The following MEGF10 variants were observed in gnomAD, a reference collection of about 807,000 sequenced individuals.
MEGF10 encodes the protein multiple EGF like domains 10.
MEGF10 carries 86 observed loss-of-function variants against 147.5 expected under a neutral mutation model. That is an observed-to-expected ratio of 0.58 (90% CI 0.49 to 0.70). MEGF10 has a LOEUF of 0.70. Ranked by LOEUF, MEGF10 falls within the 30% of genes least tolerant of loss-of-function variation. MEGF10 has a pLI of 0.00. For missense variants in MEGF10, 1,329 were observed against 1,487.3 expected (o/e 0.89, Z 1.75); for synonymous variants, 478 against 525.5 (o/e 0.91, Z 1.24).
chr5:127,433,518 C>T lies in MEGF10; in HGVS notation c.1840+9C>T. The T allele has an allele frequency of 6.3e-7, 1 of 1,584,908 alleles. No individual in the cohort carries two copies. The highest frequency in any genetic ancestry group is 8.6e-7 in the Non-Finnish European group (1 of 1,164,916). On this transcript the variant is annotated intron_variant, in intron 14 of 24. Transcript: ENST00000503335. Reference sequence around the variant, plus strand: ...CACCACTTGTCAGAGGAGTAAGTGTCTCATTAGGCAGTAATTTCCACCTTC... The same window carrying T: ...CACCACTTGTCAGAGGAGTAAGTGTTTCATTAGGCAGTAATTTCCACCTTC...
intron 22 of MEGF10, among the ~76,000 whole-genome samples, chr5:127,453,185 C>T (rs1270810965): frequency 6.6e-6 from 1 of 152,202 alleles, no homozygotes; most frequent in Admixed American, 6.5e-5. Flanking sequence ...TTACTTTACT[C>T]TCTGCTTTTA....
At chr5:127,264,919 A>T in the MEGF10 span, among the ~76,000 whole-genome samples, 1 of 146,280 alleles carries the variant, frequency 6.8e-6, no homozygotes, top group Non-Finnish European at 1.5e-5. Flanking sequence ...TTACCCAGGT[A>T]TTTTTTTTTT....
chr5:127,237,091 T>C, the MEGF10 span, among the ~76,000 whole-genome samples: 2 of 152,238 alleles, frequency 1.3e-5, no homozygotes, highest in Non-Finnish European at 2.9e-5. Flanking sequence ...TAAGATATTT[T>C]TCCATTTGTG....
In MEGF10 at chr5:127,447,571, A is replaced by C. The variant is rs1387603431; in HGVS notation, c.2743A>C (p.Ser915Arg). 6.2e-7 allele frequency: 1 copy of C among 1,614,108 alleles called. No homozygotes were observed. Among genetic ancestry groups the C allele is most frequent in the Admixed American group, 1.7e-5 (1 of 60,014 alleles). The change falls in exon 21 of 25, where the codon AGC (serine) becomes CGC (arginine). Residue 915 changes from serine to arginine, a missense_variant. Coordinates refer to ENST00000503335, the MANE Select transcript of MEGF10 (RefSeq NM_001256545.2). ...CCTTCTTGCAGGAACCCTTCCTCAC[A>C]GCAATGGTGGAAACGCTAATAGCCA... is the stretch of plus-strand genomic sequence containing the variant. Reference protein sequence around the residue: ...DYTISGTLPHSNGGNANSHYF... With the variant: ...DYTISGTLPHRNGGNANSHYF...
intron 5 of MEGF10, among the ~76,000 whole-genome samples, chr5:127,375,491 T>A (rs1224834953): frequency 6.6e-6 from 1 of 152,270 alleles, no homozygotes; most frequent in Non-Finnish European, 1.5e-5. Flanking sequence ...GGCTTAGACA[T>A]ATTCCTTCTT....
chr5:127,299,010 A>G (rs1759647454), intron 1 of MEGF10, among the ~76,000 whole-genome samples: 1 of 152,236 alleles, frequency 6.6e-6, no homozygotes, highest in South Asian at 2.1e-4. Context: ...AGGAAGCATC[A>G]TTAATCCTCT....
rs118000866 is a variant in MEGF10, at chr5:127,337,550, A to T, written c.117-1570A>T. Among the ~76,000 whole-genome samples, 144 of 152,200 alleles carry T rather than the reference A, an allele frequency of 9.5e-4. 3 individuals are homozygous for T. In the East Asian group the frequency reaches 0.014, roughly 15 times the overall value. ...GCTTAATGTGATATGTCATTCCAAG[A>T]ATATTAATATTTTAGCAGGGGCCTC... On this transcript the variant is annotated intron_variant, in intron 2 of 24. Transcript: ENST00000503335.
At chr5:127,436,411 T>C (rs1765554792) in intron 16 of MEGF10, among the ~76,000 whole-genome samples, 1 of 152,174 alleles carries the variant, frequency 6.6e-6, no homozygotes, top group Admixed American at 6.5e-5. Flanking sequence ...AGAGAGCTAA[T>C]AAATCTCAGA....
chr5:127,247,295 G>GGAGAGAGAGC, the MEGF10 span, among the ~76,000 whole-genome samples: 5 of 106,362 alleles, frequency 4.7e-5, no homozygotes, highest in Non-Finnish European at 8.0e-5. Context: ...GGGGGGTGGG[G>GGAGAGAGAGC]GAGAGAGAGC....
At chr5:127,285,790 A>ATT in the MEGF10 span, among the ~76,000 whole-genome samples, 1 of 152,134 alleles carries the variant, frequency 6.6e-6, no homozygotes, top group African/African-American at 2.4e-5. Flanking sequence ...AAATAAAAAT[A>ATT]TATCTGAATC....
intron 24 of MEGF10, among the ~76,000 whole-genome samples, 158 bp downstream of exon 24, chr5:127,455,765 T>TG (rs1487563505): frequency 1.4e-5 from 2 of 139,266 alleles, no homozygotes; most frequent in East Asian, 2.0e-4. Context: ...TTTTTTGAGA[T>TG]GGGGTCTCTC....
rs1304806555 is a variant in MEGF10, at chr5:127,433,348, T to C, written c.1694-15T>C. On this transcript the variant is annotated splice_polypyrimidine_tract_variant and intron_variant, in intron 13 of 24. Coordinates refer to ENST00000503335, the MANE Select transcript of MEGF10 (RefSeq NM_001256545.2). ...CTGCCTCTCACTCAGCCTTGCCCCATGTGCATTATTTCAGGTGTCCACTGT... is the reference window on the plus strand; with the variant it reads ...CTGCCTCTCACTCAGCCTTGCCCCACGTGCATTATTTCAGGTGTCCACTGT... The C allele has an allele frequency of 1.9e-6, 3 of 1,614,194 alleles. No individual in the cohort carries two copies. The Admixed American group carries it at 5.0e-5, about 27-fold the overall frequency.
the MEGF10 span, among the ~76,000 whole-genome samples, chr5:127,272,912 C>T: frequency 4.6e-5 from 7 of 152,186 alleles, 1 homozygote; most frequent in Non-Finnish European, 7.3e-5. Context: ...TATTCGAATA[C>T]GCTTTATTTC....
At chr5:127,418,992 A>T (rs1764880234) in intron 10 of MEGF10, 128 bp from the exon 11 acceptor site, 4 of 1,180,446 alleles carry the variant, frequency 3.4e-6, no homozygotes, top group African/African-American at 1.5e-5. Flanking sequence ...ACAAAATTTT[A>T]AAAATACAGT....
chr5:127,411,427 C>T (rs1487177433), intron 9 of MEGF10, among the ~76,000 whole-genome samples: 1 of 152,222 alleles, frequency 6.6e-6, no homozygotes, highest in Non-Finnish European at 1.5e-5. Context: ...TTCATTTATA[C>T]TTCTGAAAGA....
chr5:127,284,529 A>G, the MEGF10 span, among the ~76,000 whole-genome samples: 1 of 152,068 alleles, frequency 6.6e-6, no homozygotes, highest in Admixed American at 6.6e-5. Flanking sequence ...GAGAGAGCAT[A>G]AGCTTTGAAG....
chr5:127,415,089 C>G (rs1384054126), intron 9 of MEGF10, among the ~76,000 whole-genome samples: 1 of 151,834 alleles, frequency 6.6e-6, no homozygotes, highest in Non-Finnish European at 1.5e-5. Context: ...AAAAATGATG[C>G]TTTTACAAAC....
At chr5:127,410,309 C>A in intron 8 of MEGF10, 80 bp from the exon 9 acceptor site, 1 of 1,375,918 alleles carries the variant, frequency 7.3e-7, no homozygotes, top group South Asian at 1.2e-5. Context: ...TTATGCATAA[C>A]AAAGCCATTC....
chr5:127,297,007 C>T (rs1004172663), intron 1 of MEGF10, among the ~76,000 whole-genome samples: 1 of 152,092 alleles, frequency 6.6e-6, no homozygotes, highest in African/African-American at 2.4e-5. Flanking sequence ...ATTCTTGTTG[C>T]CCAGGCTGGA....
Sources: allele counts gnomAD v4.1 joint callset (sites outside exome capture counted in the v4.1 genomes callset), GRCh38; gene constraint gnomAD v4.1.1; transcripts MANE v1.5; gene names NCBI Gene and HGNC (gene_info 2026-07-23, HGNC 2026-07-21).